The following FHIT variants were observed in gnomAD, a reference collection of about 807,000 sequenced individuals.
FHIT encodes bis(5'-adenosyl)-triphosphatase.
Under a neutral mutation model 17.9 loss-of-function variants are expected in FHIT, and 19 were observed. The ratio of observed to expected loss-of-function variants is 1.06; its 90% CI spans 0.74 to 1.56. The LOEUF is 1.56. Among genes scored for constraint, FHIT ranks in the 40% most tolerant of loss-of-function variants. The probability of loss-of-function intolerance (pLI) is 0.00; values close to 1 mark genes in which losing one functional copy is unlikely to be tolerated. For missense variants in FHIT, 248 were observed against 189.2 expected, an observed-to-expected ratio of 1.31 and a Z score of -1.82; for synonymous variants, 81 against 69.7, an observed-to-expected ratio of 1.16 and a Z score of -0.81.
chr3:60,127,242 C>T (rs896949021), intron 5 of FHIT, among the ~76,000 whole-genome samples: 1 of 152,162 alleles, frequency 6.6e-6, no homozygotes, highest in Admixed American at 6.5e-5. Context: ...CACAGCTGCA[C>T]CAACTTTATT....
intron 3 of FHIT, among the ~76,000 whole-genome samples, chr3:60,988,154 A>G (rs1057416924): frequency 6.6e-6 from 1 of 152,240 alleles, no homozygotes; most frequent in Non-Finnish European, 1.5e-5. Flanking sequence ...ATCTTAACCT[A>G]CAAAACCAGC....
chr3:60,387,587 C>A (rs556139322), intron 5 of FHIT, among the ~76,000 whole-genome samples: 18 of 152,186 alleles, frequency 1.2e-4, no homozygotes, highest in Admixed American at 5.9e-4. Context: ...TTCTCTCCCC[C>A]CTCACCTTTC....
chr3:60,163,497 C>G (rs533047293), intron 5 of FHIT, among the ~76,000 whole-genome samples: 3 of 152,120 alleles, frequency 2.0e-5, no homozygotes, highest in Non-Finnish European at 4.4e-5. Context: ...TCTGTTCCTC[C>G]AAGGCCCCCT....
chr3:60,556,509 G>A (rs963601343), intron 4 of FHIT, among the ~76,000 whole-genome samples: 1 of 152,126 alleles, frequency 6.6e-6, no homozygotes. Flanking sequence ...CCTACATTAG[G>A]CACTTGACCT....
At chr3:60,766,091 T>C (rs535230637) in intron 4 of FHIT, among the ~76,000 whole-genome samples, 66 of 152,278 alleles carry the variant, frequency 4.3e-4, no homozygotes, top group African/African-American at 1.5e-3. Context: ...GGACTTTGCC[T>C]TGTAATGGTG....
intron 4 of FHIT, among the ~76,000 whole-genome samples, chr3:60,768,666 T>C (rs1484333585): frequency 1.3e-5 from 2 of 152,218 alleles, no homozygotes; most frequent in African/African-American, 4.8e-5. Context: ...GGTGGGGCCA[T>C]GTGACTAGTG....
chr3:59,801,408 C>A (rs1337380856), intron 8 of FHIT, among the ~76,000 whole-genome samples: 1 of 151,840 alleles, frequency 6.6e-6, no homozygotes, highest in East Asian at 1.9e-4. Flanking sequence ...AGACTGGATG[C>A]CAATACAAAT....
chr3:59,869,820 A>C (rs1371744232), intron 8 of FHIT, among the ~76,000 whole-genome samples: 1 of 151,870 alleles, frequency 6.6e-6, no homozygotes, highest in African/African-American at 2.4e-5. Context: ...ATTTAATTTA[A>C]AGTTACCAGA....
At chr3:60,566,605 C>G (rs1360642476) in intron 4 of FHIT, among the ~76,000 whole-genome samples, 1 of 151,964 alleles carries the variant, frequency 6.6e-6, no homozygotes, top group African/African-American at 2.4e-5. Context: ...GAAGCTCTGG[C>G]CAGGGCAATC....
At chr3:60,361,091 T>G (rs950472189) in intron 5 of FHIT, among the ~76,000 whole-genome samples, 13 of 152,200 alleles carry the variant, frequency 8.5e-5, no homozygotes, top group Non-Finnish European at 1.5e-4. Flanking sequence ...CAGTGATATA[T>G]TCATCCGTTC....
chr3:59,890,128 A>G (rs1215337942), intron 8 of FHIT, among the ~76,000 whole-genome samples: 2 of 152,238 alleles, frequency 1.3e-5, no homozygotes, highest in African/African-American at 2.4e-5. Context: ...CAGAGATTCC[A>G]GCCTGATCTA....
intron 3 of FHIT, among the ~76,000 whole-genome samples, chr3:60,857,226 T>G (rs145119949): frequency 6.6e-6 from 1 of 152,216 alleles, no homozygotes; most frequent in Non-Finnish European, 1.5e-5. Flanking sequence ...AGACTCATGG[T>G]AAAATAATAA....
intron 4 of FHIT, among the ~76,000 whole-genome samples, chr3:60,790,200 A>C (rs1485477869): frequency 6.6e-6 from 1 of 152,180 alleles, no homozygotes; most frequent in African/African-American, 2.4e-5. Context: ...GTTGTTCTAA[A>C]ATTGTGTGCA....
chr3:59,856,716 C>T (rs1376549321), intron 8 of FHIT, among the ~76,000 whole-genome samples: 1 of 151,928 alleles, frequency 6.6e-6, no homozygotes, highest in African/African-American at 2.4e-5. Context: ...ACTCAGTTTC[C>T]TTCTTTGCAA....
intron 4 of FHIT, among the ~76,000 whole-genome samples, chr3:60,664,480 G>A (rs1274929213): frequency 2.0e-5 from 3 of 151,522 alleles, no homozygotes; most frequent in Non-Finnish European, 2.9e-5. Flanking sequence ...GCCTGGTTTT[G>A]GTATCAGGGT....
rs141725437 is a variant in FHIT at position 61,072,978 on chromosome 3, T to C, written c.-163-30879A>G. Among the ~76,000 whole-genome samples the C allele has an allele frequency of 2.0e-5, 3 of 152,218 alleles. No homozygotes were observed. The East Asian group carries it at 5.8e-4, about 29-fold the overall frequency. The stretch of plus-strand genomic sequence containing the variant: ...TAAAACATGCACAACAGGACCCAAT[T>C]TCTCTAATTTTTTTATAAAGGCCCC... On this transcript the variant is annotated intron_variant, in intron 2 of 9. Coordinates refer to ENST00000492590, the MANE Select transcript of FHIT (RefSeq NM_002012.4).
At chr3:60,105,232 T>C (rs141664065) in intron 5 of FHIT, among the ~76,000 whole-genome samples, 46 of 152,296 alleles carry the variant, frequency 3.0e-4, no homozygotes, top group African/African-American at 1.1e-3. Context: ...GTTCTGAGTA[T>C]AGGCTGCCTG....
intron 5 of FHIT, among the ~76,000 whole-genome samples, chr3:60,053,924 A>G (rs1483899896): frequency 6.6e-6 from 1 of 152,232 alleles, no homozygotes; most frequent in East Asian, 1.9e-4. Flanking sequence ...CAACATGCTT[A>G]TAAATCTATC....
intron 4 of FHIT, among the ~76,000 whole-genome samples, chr3:60,602,222 A>G (rs2038467231): frequency 6.6e-6 from 1 of 152,228 alleles, no homozygotes; most frequent in South Asian, 2.1e-4. Flanking sequence ...CAGCATTGTC[A>G]TCCTAATTAA....
Sources: allele counts gnomAD v4.1 joint callset (sites outside exome capture counted in the v4.1 genomes callset), GRCh38; gene constraint gnomAD v4.1.1; transcripts MANE v1.5; gene names NCBI Gene and HGNC (gene_info 2026-07-23, HGNC 2026-07-21).